Variants in PCDHGA1 observed in about 807,000 individuals in gnomAD.
The protein encoded by PCDHGA1 is protocadherin gamma-A1.
Under a neutral mutation model 58.0 loss-of-function variants are expected in PCDHGA1, and 32 were observed. That is an observed-to-expected ratio of 0.55 (90% CI 0.42 to 0.74). The LOEUF (loss-of-function observed/expected upper bound fraction) is 0.74. PCDHGA1 is among the 30% of genes least tolerant of loss of function. PCDHGA1 has a pLI of 0.00. For missense variants in PCDHGA1, 1,205 were observed against 1,182.3 expected, an observed-to-expected ratio of 1.02 and a Z score of -0.28; for synonymous variants, 498 against 501.1, an observed-to-expected ratio of 0.99 and a Z score of 0.08.
intron 1 of PCDHGA1, chr5:141,421,419 A>T (rs778839137): frequency 1.2e-6 from 2 of 1,614,072 alleles, no homozygotes; most frequent in Non-Finnish European, 1.7e-6. Context: ...CGAAGCGCGG[A>T]GTCCGCATCG....
At chr5:141,419,620 G>C in intron 1 of PCDHGA1, 1 of 1,612,304 alleles carries the variant, frequency 6.2e-7, no homozygotes, top group Non-Finnish European at 8.5e-7. Context: ...CAGGCTACCT[G>C]GTGACCAAGG....
intron 1 of PCDHGA1, among the ~76,000 whole-genome samples, chr5:141,363,857 T>C (rs1243466547): frequency 6.6e-6 from 1 of 152,164 alleles, no homozygotes; most frequent in African/African-American, 2.4e-5. Context: ...GGACTAAATA[T>C]AGATAAGAGG....
chr5:141,362,405 C>T (rs1487845960), intron 1 of PCDHGA1: 14 of 1,614,052 alleles, frequency 8.7e-6, no homozygotes, highest in Non-Finnish European at 1.1e-5. Context: ...CTGTGTGTTG[C>T]CTCACAATCA....
At chr5:141,375,364 A>T (rs771379372) in intron 1 of PCDHGA1, 1 of 1,613,786 alleles carries the variant, frequency 6.2e-7, no homozygotes, top group African/African-American at 1.3e-5. Context: ...CCACGGACAA[A>T]GGAACACCAC....
chr5:141,383,513 A>T, intron 1 of PCDHGA1: 1 of 1,612,722 alleles, frequency 6.2e-7, no homozygotes, highest in South Asian at 1.1e-5. Flanking sequence ...CGGGAGGAAG[A>T]GCGGGTTCAC....
At chr5:141,340,569 T>C (rs1041166811) in intron 1 of PCDHGA1, 6 of 1,614,110 alleles carry the variant, frequency 3.7e-6, no homozygotes, top group Non-Finnish European at 5.1e-6. Context: ...GTGTGGGTGA[T>C]AGCGCGGGAC....
chr5:141,467,710 G>A (rs1284029664), intron 1 of PCDHGA1, among the ~76,000 whole-genome samples: 1 of 152,122 alleles, frequency 6.6e-6, no homozygotes, highest in Non-Finnish European at 1.5e-5. Context: ...TGCCCAGGCT[G>A]GAGTGTAGTG....
chr5:141,486,409 C>G lies in PCDHGA1; in HGVS notation c.2422-8398C>G, dbSNP rs1396288134. On this transcript the variant is annotated intron_variant, in intron 1 of 3. Coordinates refer to ENST00000517417, the MANE Select transcript of PCDHGA1 (RefSeq NM_018912.3). The surrounding 1 kb of genome is among the most constrained non-coding windows in gnomAD (Gnocchi z 5.0). Reference sequence around the variant, plus strand: ...AGTTCTCCCTGGTGACTGCTGGACCCTTGGATCGAGAGGCCAAATCTAGCT... The same window carrying G: ...AGTTCTCCCTGGTGACTGCTGGACCGTTGGATCGAGAGGCCAAATCTAGCT... 6.2e-7 allele frequency: 1 copy of G among 1,614,170 alleles called. No individual in the cohort carries two copies. Among genetic ancestry groups the G allele is most frequent in the East Asian group, 2.2e-5 (1 of 44,874 alleles).
chr5:141,389,590 G>C (rs1409328445), intron 1 of PCDHGA1: 1 of 1,613,014 alleles, frequency 6.2e-7, no homozygotes, highest in Non-Finnish European at 8.5e-7. Context: ...GGTCCCGACG[G>C]CTCTGCGCTC....
In PCDHGA1 at chr5:141,476,762, G is replaced by A. The variant is rs1338892879; in HGVS notation, c.2422-18045G>A. The A allele has an allele frequency of 6.2e-7, 1 of 1,613,848 alleles. No individual in the cohort carries two copies. ...GCCTAGTCTCCAGTTAGTGCTGACG[G>A]CGTTGGACGGAGGGACCCCAGCTCT... On this transcript the variant is annotated intron_variant, in intron 1 of 3. Coordinates refer to ENST00000517417, the MANE Select transcript of PCDHGA1 (RefSeq NM_018912.3). The surrounding 1 kb of genome is among the most constrained non-coding windows in gnomAD (Gnocchi z 7.6).
intron 1 of PCDHGA1, chr5:141,357,069 A>C (rs777295000): frequency 6.2e-7 from 1 of 1,613,964 alleles, no homozygotes; most frequent in Non-Finnish European, 8.5e-7. Context: ...GGCTGCACAC[A>C]GGCGAGGTGC....
chr5:141,434,209 A>G (rs946478332), intron 1 of PCDHGA1, among the ~76,000 whole-genome samples: 17 of 152,216 alleles, frequency 1.1e-4, no homozygotes, highest in African/African-American at 4.1e-4. Flanking sequence ...TACTTCTGTC[A>G]GTGTAAACAA....
chr5:141,399,036 G>A, intron 1 of PCDHGA1: 1 of 1,613,800 alleles, frequency 6.2e-7, no homozygotes, highest in African/African-American at 1.3e-5. Context: ...AAAAGAAACT[G>A]GATTTTGAAG....
At chr5:141,409,885 G>A in intron 1 of PCDHGA1, 1 of 1,613,110 alleles carries the variant, frequency 6.2e-7, no homozygotes. Flanking sequence ...ACGCACCGCG[G>A]GTGCTGTACC....
chr5:141,345,995 C>G, intron 1 of PCDHGA1: 1 of 1,613,442 alleles, frequency 6.2e-7, no homozygotes, highest in Non-Finnish European at 8.5e-7. Context: ...AGCCCCCTCT[C>G]TCCGCCACTG....
chr5:141,368,302 A>G lies in PCDHGA1; in HGVS notation c.2421+35197A>G, dbSNP rs948478574. On this transcript the variant is annotated intron_variant, in intron 1 of 3. Transcript: ENST00000517417. The stretch of plus-strand genomic sequence containing the variant: ...ACCACTTGATTTTTATTTTTTAAAC[A>G]CTGTTAAAGAGCATTCAAGTATATC... 7.9e-5 allele frequency among the ~76,000 whole-genome samples: 12 copies of G among 152,282 alleles called. No individual in the cohort carries two copies. In the East Asian group the frequency reaches 2.3e-3, roughly 29 times the overall value.
intron 1 of PCDHGA1, chr5:141,429,251 A>C (rs2097199889): frequency 6.6e-6 from 1 of 151,884 alleles, no homozygotes; most frequent in Non-Finnish European, 1.5e-5. Context: ...GAGATATTTT[A>C]ATTGAGGAAT....
intron 1 of PCDHGA1, chr5:141,333,409 T>A (rs1217541809): frequency 1.8e-5 from 8 of 450,644 alleles, no homozygotes; most frequent in Admixed American, 5.0e-5. Context: ...CTTCTAACAT[T>A]TTCTTACTTG....
At chr5:141,478,016 G>A (rs1204231648) in intron 1 of PCDHGA1, 1 of 1,614,108 alleles carries the variant, frequency 6.2e-7, no homozygotes, top group Non-Finnish European at 8.5e-7. Context: ...TGCCCGTCCA[G>A]TCCAAGACAC....
Sources: allele counts gnomAD v4.1 joint callset (sites outside exome capture counted in the v4.1 genomes callset), GRCh38; gene constraint gnomAD v4.1.1; non-coding constraint Gnocchi (gnomAD v3.1); transcripts MANE v1.5; gene names NCBI Gene and HGNC (gene_info 2026-07-23, HGNC 2026-07-21).